ZCWPW1: variants seen among roughly 807,000 people sequenced by gnomAD.
The protein encoded by ZCWPW1 is zinc finger CW-type and PWWP domain containing 1.
ZCWPW1 carries 56 observed loss-of-function variants against 81.3 expected under a neutral mutation model. The ratio of observed to expected loss-of-function variants is 0.69; its 90% CI spans 0.56 to 0.86. The LOEUF (loss-of-function observed/expected upper bound fraction) is 0.86. Ranked by LOEUF, ZCWPW1 falls within the 40% of genes least tolerant of loss-of-function variation. ZCWPW1 has a pLI of 0.00. For synonymous variants in ZCWPW1, 250 were observed against 273.7 expected (o/e 0.91, Z 0.86); for missense variants, 650 against 769.8 (o/e 0.84, Z 1.84).
At chr7:100,417,656 T>C (rs1259165839) in intron 5 of ZCWPW1, among the ~76,000 whole-genome samples, 1 of 151,046 alleles carries the variant, frequency 6.6e-6, no homozygotes, top group East Asian at 2.0e-4. Flanking sequence ...AGGCGGAAGT[T>C]GCAGTGAGCC....
intron 2 of ZCWPW1, among the ~76,000 whole-genome samples, chr7:100,421,477 T>C (rs1796335733): frequency 6.6e-6 from 1 of 152,350 alleles, no homozygotes; most frequent in South Asian, 2.1e-4. Flanking sequence ...TTCCCTTTCT[T>C]AGATCCTCAG....
intron 9 of ZCWPW1, 45 bp downstream of exon 9, chr7:100,409,383 G>A (rs1460655016): frequency 1.4e-6 from 2 of 1,432,244 alleles, no homozygotes; most frequent in Non-Finnish European, 2.0e-6. Context: ...GAAAGAAAGG[G>A]AGGAACAATA....
At position 100,409,410 on chromosome 7, in the gene ZCWPW1, A is replaced by C; in HGVS notation, c.871+18T>G. 1.3e-6 allele frequency: 2 copies of C among 1,568,674 alleles called. No homozygotes were observed. Among genetic ancestry groups the C allele is most frequent in the Non-Finnish European group, 1.8e-6 (2 of 1,141,406 alleles). Reference sequence around the variant, plus strand: ...GGAACAATAAAACATGAATGAAAACATTTCCAGTCTTTTCTACCTGTGTTC... The same window carrying C: ...GGAACAATAAAACATGAATGAAAACCTTTCCAGTCTTTTCTACCTGTGTTC... On this transcript the variant is annotated intron_variant, in intron 9 of 17. Transcript: ENST00000684423.
At position 100,411,328 on chromosome 7, in the gene ZCWPW1, G is replaced by A. The variant is rs190492420; in HGVS notation, c.755-1784C>T. 2.9e-3 allele frequency among the ~76,000 whole-genome samples: 443 copies of A among 151,078 alleles called. 1 individual carries two copies. Among genetic ancestry groups the A allele is most frequent in the African/African-American group, 9.1e-3 (374 of 41,040 alleles). ...GTTGCCCAGGCTCAAGTGCGGTGGCGCAATCTCGGGTCACTGCAGCCTCCA... is the reference window on the plus strand; with the variant it reads ...GTTGCCCAGGCTCAAGTGCGGTGGCACAATCTCGGGTCACTGCAGCCTCCA... On this transcript the variant is annotated intron_variant, in intron 8 of 17. Coordinates refer to ENST00000684423, the MANE Select transcript of ZCWPW1 (RefSeq NM_001386010.1).
chr7:100,425,446 A>G (rs189448133), intron 1 of ZCWPW1, among the ~76,000 whole-genome samples: 68 of 152,328 alleles, frequency 4.5e-4, no homozygotes, highest in Non-Finnish European at 3.8e-4. Context: ...CTTAGAAATA[A>G]TAAAGGGAAC....
chr7:100,417,431 T>C (rs1003456987), intron 5 of ZCWPW1: 2 of 417,570 alleles, frequency 4.8e-6, no homozygotes, highest in African/African-American at 4.1e-5. Flanking sequence ...CATAAAAAAA[T>C]TATAGGCCAG....
chr7:100,408,410 C>G (rs1793499622), intron 10 of ZCWPW1, 129 bp downstream of exon 10: 1 of 1,310,742 alleles, frequency 7.6e-7, no homozygotes, highest in Non-Finnish European at 1.0e-6. Flanking sequence ...TATCTTTTCT[C>G]TCACCCCATG....
chr7:100,413,612 G>A (rs1034589963), intron 8 of ZCWPW1, among the ~76,000 whole-genome samples: 27 of 152,160 alleles, frequency 1.8e-4, no homozygotes, highest in Admixed American at 1.7e-3. Context: ...TGGGAAGAAT[G>A]GTTTATTTAT....
At chr7:100,420,745 T>C in intron 2 of ZCWPW1, 67 bp from the exon 3 acceptor site, 1 of 1,517,176 alleles carries the variant, frequency 6.6e-7, no homozygotes, top group South Asian at 1.1e-5. Context: ...TCTGTCTACT[T>C]GGGTTCAGAA....
intron 1 of ZCWPW1, among the ~76,000 whole-genome samples, 182 bp from the exon 2 acceptor site, chr7:100,425,318 G>C (rs946844872): frequency 8.5e-5 from 13 of 152,066 alleles, no homozygotes; most frequent in African/African-American, 2.9e-4. Flanking sequence ...TGCGGGGAAG[G>C]CTTTAATAAG....
chr7:100,412,501 C>A (rs1794373573), intron 8 of ZCWPW1, among the ~76,000 whole-genome samples: 1 of 152,188 alleles, frequency 6.6e-6, no homozygotes, highest in Non-Finnish European at 1.5e-5. Context: ...CAACTTCTAA[C>A]AATTTTACCT....
intron 17 of ZCWPW1, 121 bp from the exon 18 acceptor site, chr7:100,401,457 A>C: frequency 1.1e-6 from 1 of 947,514 alleles, no homozygotes; most frequent in Non-Finnish European, 1.5e-6. Flanking sequence ...CTTTCTCAAT[A>C]CAAAGAATAT....
At chr7:100,402,086 C>A in intron 16 of ZCWPW1, 45 bp from the exon 17 acceptor site, 1 of 1,567,386 alleles carries the variant, frequency 6.4e-7, no homozygotes, top group South Asian at 1.2e-5. Flanking sequence ...AACGACAACT[C>A]GGCAAGGGCA....
chr7:100,402,135 T>C lies in ZCWPW1; in HGVS notation c.1475-94A>G, dbSNP rs150939876. 4.3e-5 allele frequency: 64 copies of C among 1,473,050 alleles called. No individual in the cohort carries two copies. The African/African-American group carries it at 7.6e-4, about 17-fold the overall frequency. 91.2% of individuals were successfully genotyped at this position (1,473,050 alleles called of 1,614,324 possible). On this transcript the variant is annotated intron_variant, in intron 16 of 17. Coordinates refer to ENST00000684423, the MANE Select transcript of ZCWPW1 (RefSeq NM_001386010.1). Reference sequence around the variant, plus strand: ...CATTGAGTTTCTGCCCTGCCCCACATCTTCTGCTCAGTTGCAATCTAGTGA... The same window carrying C: ...CATTGAGTTTCTGCCCTGCCCCACACCTTCTGCTCAGTTGCAATCTAGTGA...
At chr7:100,412,323 A>G (rs776818465) in intron 8 of ZCWPW1, among the ~76,000 whole-genome samples, 1 of 152,188 alleles carries the variant, frequency 6.6e-6, no homozygotes, top group Non-Finnish European at 1.5e-5. Flanking sequence ...GATGTCTCAC[A>G]AGGATCTCAA....
At chr7:100,404,336 C>A in intron 13 of ZCWPW1, 92 bp from the exon 14 acceptor site, 1 of 1,173,882 alleles carries the variant, frequency 8.5e-7, no homozygotes, top group East Asian at 2.5e-5. Context: ...TGATGAAATT[C>A]TGATTCATTT....
At chr7:100,415,654 T>C (rs1795081978) in intron 8 of ZCWPW1, among the ~76,000 whole-genome samples, 1 of 152,194 alleles carries the variant, frequency 6.6e-6, no homozygotes, top group South Asian at 2.1e-4. Context: ...ACTCCTTATT[T>C]TTCTATTACC....
At chr7:100,422,852 G>A (rs1050484150) in intron 2 of ZCWPW1, among the ~76,000 whole-genome samples, 5 of 152,124 alleles carry the variant, frequency 3.3e-5, no homozygotes, top group African/African-American at 7.2e-5. Context: ...CTGTTCCTGC[G>A]TTAATTCACT....
intron 14 of ZCWPW1, 27 bp downstream of exon 14, chr7:100,404,151 C>T: frequency 6.8e-6 from 11 of 1,612,462 alleles, no homozygotes; most frequent in Non-Finnish European, 9.3e-6. Flanking sequence ...CCATCCTTCT[C>T]CAGTCCTCAA....
Sources: allele counts gnomAD v4.1 joint callset (sites outside exome capture counted in the v4.1 genomes callset), GRCh38; gene constraint gnomAD v4.1.1; transcripts MANE v1.5; gene names NCBI Gene and HGNC (gene_info 2026-07-23, HGNC 2026-07-21).